Variants in SH3RF3 observed in about 807,000 individuals in gnomAD.
The protein encoded by SH3RF3 is E3 ubiquitin-protein ligase SH3RF3.
SH3RF3 carries 29 observed loss-of-function variants against 66.3 expected under a neutral mutation model. That is an observed-to-expected ratio of 0.44 (90% CI 0.33 to 0.60). The LOEUF (loss-of-function observed/expected upper bound fraction) is 0.60. Ranked by LOEUF, SH3RF3 falls within the 20% of genes least tolerant of loss-of-function variation. The pLI is 0.04. For synonymous variants in SH3RF3, 583 were observed against 532.0 expected, an observed-to-expected ratio of 1.10 and a Z score of -1.32; for missense variants, 1,194 against 1,190.9, an observed-to-expected ratio of 1.00 and a Z score of -0.04.
chr2:109,211,407 A>G (rs1678971743), intron 1 of SH3RF3, among the ~76,000 whole-genome samples: 1 of 152,252 alleles, frequency 6.6e-6, no homozygotes, highest in Non-Finnish European at 1.5e-5. Context: ...TATAAACAGC[A>G]GGGAAGCCCT....
chr2:109,221,083 A>G (rs1180895077), intron 1 of SH3RF3, among the ~76,000 whole-genome samples: 3 of 152,258 alleles, frequency 2.0e-5, no homozygotes, highest in Non-Finnish European at 4.4e-5. Context: ...GAAAGAAATG[A>G]AGTTATGACA....
intron 8 of SH3RF3, among the ~76,000 whole-genome samples, chr2:109,478,318 G>C (rs1678742404): frequency 6.6e-6 from 1 of 152,158 alleles, no homozygotes; most frequent in Non-Finnish European, 1.5e-5. Context: ...GATTCCCTAG[G>C]CTGTCTGAAA....
At chr2:109,363,240 C>A (rs1174238774) in intron 2 of SH3RF3, among the ~76,000 whole-genome samples, 1 of 150,808 alleles carries the variant, frequency 6.6e-6, no homozygotes, top group African/African-American at 2.4e-5. Context: ...TCTTTTTTTA[C>A]TTTTTTAATT....
At chr2:109,500,323 G>A (rs745902680) in intron 9 of SH3RF3, among the ~76,000 whole-genome samples, 3 of 152,146 alleles carry the variant, frequency 2.0e-5, no homozygotes, top group Admixed American at 1.3e-4. Flanking sequence ...GCTAAGTGTT[G>A]CCAGGAGCAC....
At chr2:109,437,754 T>A (rs1677445488) in intron 7 of SH3RF3, among the ~76,000 whole-genome samples, 1 of 151,862 alleles carries the variant, frequency 6.6e-6, no homozygotes, top group South Asian at 2.1e-4. Flanking sequence ...CAGGATGTTG[T>A]GAGATGAAAA....
At chr2:109,429,668 C>T (rs1677136328) in intron 5 of SH3RF3, among the ~76,000 whole-genome samples, 1 of 152,194 alleles carries the variant, frequency 6.6e-6, no homozygotes, top group South Asian at 2.1e-4. Context: ...GCGCTGACAG[C>T]TCCAGCAGCC....
At chr2:109,163,108 C>T (rs575821848) in intron 1 of SH3RF3, among the ~76,000 whole-genome samples, 2 of 152,316 alleles carry the variant, frequency 1.3e-5, no homozygotes, top group African/African-American at 4.8e-5. Context: ...TTGACCTTGG[C>T]AGCTTTTCCA....
chr2:109,416,554 T>G (rs1485777628), intron 4 of SH3RF3, among the ~76,000 whole-genome samples: 2 of 152,012 alleles, frequency 1.3e-5, no homozygotes, highest in East Asian at 3.9e-4. Flanking sequence ...CTGGCTAATT[T>G]TTGTATTTTT....
At chr2:109,429,312 G>C (rs574712167) in intron 5 of SH3RF3, among the ~76,000 whole-genome samples, 1 of 152,198 alleles carries the variant, frequency 6.6e-6, no homozygotes, top group African/African-American at 2.4e-5. Flanking sequence ...GAGGCACCCA[G>C]AGGAAAAAAA....
At chr2:109,422,926 A>AG (rs779287180) in intron 5 of SH3RF3, among the ~76,000 whole-genome samples, 8 of 152,070 alleles carry the variant, frequency 5.3e-5, no homozygotes, top group Admixed American at 2.6e-4. Flanking sequence ...GAGGTGGAGG[A>AG]GGAGGACGAA....
intron 1 of SH3RF3, among the ~76,000 whole-genome samples, chr2:109,182,660 A>G (rs183138112): frequency 1.3e-5 from 2 of 152,372 alleles, no homozygotes; most frequent in South Asian, 2.1e-4. Flanking sequence ...TAATGGCTCC[A>G]GTTACATTGT....
At chr2:109,150,572 G>A (rs1677204897) in intron 1 of SH3RF3, among the ~76,000 whole-genome samples, 1 of 152,166 alleles carries the variant, frequency 6.6e-6, no homozygotes, top group South Asian at 2.1e-4. Flanking sequence ...TACCCCCATT[G>A]TGCAGACGGG....
intron 7 of SH3RF3, among the ~76,000 whole-genome samples, chr2:109,446,349 C>T (rs1677704136): frequency 6.6e-6 from 1 of 152,150 alleles, no homozygotes; most frequent in Non-Finnish European, 1.5e-5. Flanking sequence ...CCATTGCGGG[C>T]GTTATCGTGA....
chr2:109,325,006 C>T (rs539593463), intron 1 of SH3RF3, among the ~76,000 whole-genome samples: 105 of 152,044 alleles, frequency 6.9e-4, no homozygotes, highest in African/African-American at 2.0e-3. Context: ...CTGGGAGAGG[C>T]CTTTGGCTTG....
rs149589066 is a variant in SH3RF3, at chr2:109,244,643, G to A, written c.574-103031G>A. On this transcript the variant is annotated intron_variant, in intron 1 of 9. Transcript: ENST00000309415. ...ATGCCAGTTAGCAGGAGAAGATATC[G>A]GAGTTTCTGTTAGGCAAACACAGGG... 1.4e-3 allele frequency among the ~76,000 whole-genome samples: 214 copies of A among 152,322 alleles called. 1 individual carries two copies. Among genetic ancestry groups the A allele is most frequent in the African/African-American group, 4.8e-3 (199 of 41,584 alleles).
chr2:109,371,611 G>A lies in SH3RF3; in HGVS notation c.875G>A (p.Arg292Lys). The change falls in exon 3 of 10, where the codon AGA (arginine) becomes AAA (lysine). Residue 292 changes from arginine (R) to lysine (K), a missense_variant. Arg to Lys is a conservative substitution (Grantham distance 26, BLOSUM62 2). Transcript: ENST00000309415. ...TKDEILTVLR[R>K]VDENWAEGML... ...GACGAGATTCTGACGGTGCTCAGGAGAGTGGATGAGAACTGGGCGGAAGGC... is the reference window on the plus strand; with the variant it reads ...GACGAGATTCTGACGGTGCTCAGGAAAGTGGATGAGAACTGGGCGGAAGGC... 2 of 1,614,074 alleles carry A rather than the reference G, an allele frequency of 1.2e-6. No individual in the cohort carries two copies. The highest frequency in any genetic ancestry group is 1.7e-6 in the Non-Finnish European group (2 of 1,179,918).
At chr2:109,271,984 G>A (rs1410225925) in intron 1 of SH3RF3, among the ~76,000 whole-genome samples, 1 of 152,176 alleles carries the variant, frequency 6.6e-6, no homozygotes, top group Admixed American at 6.5e-5. Context: ...TCAGAATGGG[G>A]TCTTTGGGTA....
chr2:109,445,809 G>A (rs914259164), intron 7 of SH3RF3, among the ~76,000 whole-genome samples: 1 of 152,044 alleles, frequency 6.6e-6, no homozygotes, highest in Non-Finnish European at 1.5e-5. Context: ...AGTGGGAAGC[G>A]ATACCCCTGA....
chr2:109,308,742 G>A (rs1432173379), intron 1 of SH3RF3, among the ~76,000 whole-genome samples: 3 of 26,030 alleles, frequency 1.2e-4, no homozygotes, highest in Non-Finnish European at 1.1e-4. Context: ...GTAGGTATGC[G>A]GCGTTATTTC....
Sources: gnomAD v4.1 joint callset for allele counts (sites outside exome capture counted in the v4.1 genomes callset) on GRCh38, gnomAD v4.1.1 for gene constraint, MANE v1.5 for transcripts, NCBI Gene and HGNC (gene_info 2026-07-23, HGNC 2026-07-21) for gene names.